The following MDM1 variants were observed in gnomAD, a reference collection of about 807,000 sequenced individuals.
MDM1 encodes the protein Mdm1 nuclear protein.
In MDM1, 61 loss-of-function variants were observed where a neutral mutation model predicts 89.1. That is an observed-to-expected ratio of 0.68 (90% CI 0.56 to 0.85). MDM1 has a LOEUF of 0.85. Among genes scored for constraint, MDM1 ranks in the 40% least tolerant of loss-of-function variants. MDM1 has a pLI of 0.00. For missense variants in MDM1, 820 were observed against 846.5 expected (o/e 0.97, Z 0.39); for synonymous variants, 290 against 294.1 (o/e 0.99, Z 0.14).
At chr12:68,331,482 T>C (rs1876809809) in intron 1 of MDM1, among the ~76,000 whole-genome samples, 1 of 152,204 alleles carries the variant, frequency 6.6e-6, no homozygotes, top group South Asian at 2.1e-4. Flanking sequence ...TTTCACTGAT[T>C]ATCTGATTCC....
intron 7 of MDM1, 164 bp downstream of exon 7, chr12:68,321,183 A>G: frequency 2.3e-6 from 1 of 443,892 alleles, no homozygotes; most frequent in Non-Finnish European, 3.9e-6. Flanking sequence ...AAAAAAAATG[A>G]TAATTTACAT....
chr12:68,327,627 C>G, intron 2 of MDM1: 3 of 985,300 alleles, frequency 3.0e-6, no homozygotes, highest in Non-Finnish European at 4.5e-6. Context: ...AAGAGCAGCT[C>G]TGCAGAATGA....
At chr12:68,307,624 C>A (rs374290929) in intron 12 of MDM1, among the ~76,000 whole-genome samples, 1 of 151,814 alleles carries the variant, frequency 6.6e-6, no homozygotes, top group African/African-American at 2.4e-5. Flanking sequence ...CTGGGCAACA[C>A]AGCAAGACCT....
rs76812427 is a variant in MDM1, at chr12:68,315,257, G to A, written c.1220C>T (p.Thr407Ile). The A allele has an allele frequency of 1.2e-6, 2 of 1,609,386 alleles. No homozygotes were observed. The highest frequency in any genetic ancestry group is 2.7e-5 in the African/African-American group (2 of 74,630). ...IRALDLAGDPTSHKTLQKCPS... is the reference protein window; with the variant it reads ...IRALDLAGDPISHKTLQKCPS... Reference sequence around the variant, plus strand: ...ACATTTCTGCAAAGTCTTATGGCTTGTAGGATCTCTGCGTAACAAAATCAA... The same window carrying A: ...ACATTTCTGCAAAGTCTTATGGCTTATAGGATCTCTGCGTAACAAAATCAA... The change falls in exon 10 of 15, where the codon ACA (threonine) becomes ATA (isoleucine). Residue 407 changes from threonine (T) to isoleucine (I), a missense_variant. Thr to Ile is a moderately conservative substitution (Grantham distance 89, BLOSUM62 -1). Transcript: ENST00000682720.
chr12:68,328,948 T>C (rs891477709), intron 2 of MDM1, among the ~76,000 whole-genome samples: 2 of 152,190 alleles, frequency 1.3e-5, no homozygotes. Flanking sequence ...CTTCATTATA[T>C]ACCATGCTCT....
chr12:68,316,222 T>TA lies in MDM1; in HGVS notation c.1066dup (p.Tyr356LeufsTer2). 6.2e-7 allele frequency: 1 copy of TA among 1,613,976 alleles called. No individual in the cohort carries two copies. The highest frequency in any genetic ancestry group is 2.2e-5 in the East Asian group (1 of 44,880). ...ATGCGTCCCCTGAACTCGCTTCCTA[T>TA]AAAACTCAGCCTTTTCTCGGAGTTC... On this transcript the variant is annotated frameshift_variant, in exon 9 of 15. Coordinates refer to ENST00000682720, the MANE Select transcript of MDM1 (RefSeq NM_001354969.2). LOFTEE classifies it high-confidence loss of function.
Position 68,316,409 on chromosome 12 carries a change from G to A in MDM1, c.1036-156C>T, listed in dbSNP as rs916192628. 4 of 976,614 alleles carry A rather than the reference G, an allele frequency of 4.1e-6. No individual in the cohort carries two copies. The African/African-American group carries it at 6.6e-5, about 16-fold the overall frequency. The allele number at this position is 976,614 out of a possible 1,614,324, so 60.5% of individuals were successfully genotyped here. A position where few individuals can be genotyped will look rare whatever the true frequency, so the allele number is the denominator to read the frequency against. ...TACAGTCATCAGACTGTGCATTTAA[G>A]CAAAAACTAAAACAATCAAGCTAAA... On this transcript the variant is annotated intron_variant, in intron 8 of 14. Transcript: ENST00000682720.
At position 68,326,665 on chromosome 12, in the gene MDM1, C is replaced by A. The variant is rs778237723; in HGVS notation, c.490G>T (p.Asp164Tyr). Residue 164 changes from aspartate to tyrosine, a missense_variant, in exon 3 of 15, where the codon GAT becomes TAT. Coordinates refer to ENST00000682720, the MANE Select transcript of MDM1 (RefSeq NM_001354969.2). ...HSTKVLSENVDNGLDRLLRKK... is the reference protein window; with the variant it reads ...HSTKVLSENVYNGLDRLLRKK... ...GCAGTGAATATGCCTACCCCATTAT[C>A]TACATTTTCTGAAAGAACCTTGGTA... 6.2e-7 allele frequency: 1 copy of A among 1,614,158 alleles called. No individual in the cohort carries two copies.
chr12:68,324,468 T>C (rs1030559947), intron 4 of MDM1, among the ~76,000 whole-genome samples: 4 of 152,166 alleles, frequency 2.6e-5, no homozygotes, highest in African/African-American at 9.6e-5. Context: ...ATTTCAAAGG[T>C]ATTTTAAAAA....
intron 12 of MDM1, among the ~76,000 whole-genome samples, chr12:68,310,645 G>T (rs1200849951): frequency 6.6e-6 from 1 of 152,142 alleles, no homozygotes; most frequent in Non-Finnish European, 1.5e-5. Flanking sequence ...AAATAGTTTT[G>T]ATATTCTGTC....
chr12:68,321,360 T>C lies in MDM1; in HGVS notation c.992A>G (p.Asn331Ser). 1 of 1,613,314 alleles carries C rather than the reference T, an allele frequency of 6.2e-7. No individual in the cohort carries two copies. Among genetic ancestry groups the C allele is most frequent in the Non-Finnish European group, 8.5e-7 (1 of 1,179,630 alleles). The change falls in exon 7 of 15, where the codon AAC becomes AGC. Residue 331 changes from asparagine (N) to serine (S), a missense_variant. Asn to Ser is a conservative substitution (Grantham distance 46). Coordinates refer to ENST00000682720, the MANE Select transcript of MDM1 (RefSeq NM_001354969.2). ...KAGAWTHVKG[N>S]MPNQGSLNAM... ...ATGTACACTCACCTGATTTGGCATG[T>C]TTCCCTTTACATGTGTCCAAGCCCC...
At position 68,315,141 on chromosome 12, in the gene MDM1, T is replaced by G; in HGVS notation, c.1336A>C (p.Ile446Leu). ...CAAGCCAGCCGCCTTCTAACGGGTA[T>G]GGTGGGAGCTGACACACCCAATTTC... ...TEKLGVSAPTIPVRRRLAWDT... is the reference protein window; with the variant it reads ...TEKLGVSAPTLPVRRRLAWDT... Residue 446 changes from isoleucine (I) to leucine (L), a missense_variant, in exon 10 of 15, where the codon ATA becomes CTA. Coordinates refer to ENST00000682720, the MANE Select transcript of MDM1 (RefSeq NM_001354969.2). 6 of 1,614,176 alleles carry G rather than the reference T, an allele frequency of 3.7e-6. No individual in the cohort carries two copies. Among genetic ancestry groups the G allele is most frequent in the Non-Finnish European group, 5.1e-6 (6 of 1,180,028 alleles).
intron 13 of MDM1, among the ~76,000 whole-genome samples, chr12:68,299,836 CTCTTAGGAACT>C (rs1281958002): frequency 1.3e-5 from 2 of 152,160 alleles, no homozygotes; most frequent in Non-Finnish European, 2.9e-5. Context: ...GCTCAATGAA[CTCTTAGGAACT>C]TCATTGCAAA....
At position 68,323,344 on chromosome 12, in the gene MDM1, A is replaced by T. The variant is rs1458222044; in HGVS notation, c.634-104T>A. The T allele has an allele frequency of 3.9e-6, 3 of 765,388 alleles. No homozygotes were observed. In the African/African-American group the frequency reaches 5.5e-5, roughly 14 times the overall value. The allele number at this position is 765,388 out of a possible 1,614,324, so 47.4% of individuals were successfully genotyped here. ...TAAAGTTGAATTACAGGACAAAAAA[A>T]TAGCAAAGTTATATATGATTTTAAT... On this transcript the variant is annotated intron_variant, in intron 4 of 14. Coordinates refer to ENST00000682720, the MANE Select transcript of MDM1 (RefSeq NM_001354969.2).
chr12:68,317,873 G>A (rs74100604), intron 7 of MDM1, among the ~76,000 whole-genome samples: 103 of 152,184 alleles, frequency 6.8e-4, no homozygotes, highest in African/African-American at 2.5e-3. Context: ...AATGTTTCAG[G>A]GCCACTCCAT....
chr12:68,299,680 T>C (rs939880999), intron 13 of MDM1, among the ~76,000 whole-genome samples: 1 of 152,092 alleles, frequency 6.6e-6, no homozygotes, highest in Admixed American at 6.6e-5. Context: ...CCAAGAAATA[T>C]AGGATTATGT....
At chr12:68,329,815 ACT>A (rs1876528140) in intron 2 of MDM1, among the ~76,000 whole-genome samples, 1 of 152,092 alleles carries the variant, frequency 6.6e-6, no homozygotes, top group South Asian at 2.1e-4. Flanking sequence ...CCTCCGGGAA[ACT>A]CTGGCCCAGG....
Position 68,331,064 on chromosome 12 carries a change from A to C in MDM1, c.133+43T>G, listed in dbSNP as rs1031975674. ...TTATAACGGCTTGGCCCAAGTTATA[A>C]ACTTAGCCCAGGTTAGAATGGCTAT... On this transcript the variant is annotated intron_variant, in intron 2 of 14. Transcript: ENST00000682720. 9 of 1,158,436 alleles carry C rather than the reference A, an allele frequency of 7.8e-6. No homozygotes were observed. In the African/African-American group the frequency reaches 1.1e-4, roughly 14 times the overall value. The allele number at this position is 1,158,436 out of a possible 1,614,324, so 71.8% of individuals were successfully genotyped here.
intron 12 of MDM1, among the ~76,000 whole-genome samples, chr12:68,303,646 A>C (rs1419451057): frequency 6.6e-6 from 1 of 152,236 alleles, no homozygotes; most frequent in Non-Finnish European, 1.5e-5. Flanking sequence ...GTTTTAAAAA[A>C]CTGTGGTGTA....
Sources: gnomAD v4.1 joint callset for allele counts (sites outside exome capture counted in the v4.1 genomes callset) on GRCh38, gnomAD v4.1.1 for gene constraint, MANE v1.5 for transcripts, NCBI Gene and HGNC (gene_info 2026-07-23, HGNC 2026-07-21) for gene names.